Variants in ADCY1 observed in about 807,000 individuals in gnomAD.
The protein encoded by ADCY1 is adenylate cyclase 1.
A neutral mutation model predicts 105.4 loss-of-function variants in ADCY1; 28 were observed. That is an observed-to-expected ratio of 0.27 (90% confidence interval 0.20 to 0.36). ADCY1 has a LOEUF of 0.36. Ranked by LOEUF, ADCY1 falls within the 10% of genes least tolerant of loss-of-function variation. The pLI, the probability that ADCY1 is intolerant of heterozygous loss-of-function variation, is 1.00. For missense variants in ADCY1, 977 were observed against 1,434.2 expected (o/e 0.68, Z 5.15); for synonymous variants, 655 against 623.8 (o/e 1.05, Z -0.75).
intron 17 of ADCY1, 130 bp downstream of exon 17, chr7:45,704,746 G>A (rs945996623): frequency 1.4e-6 from 1 of 715,074 alleles, no homozygotes; most frequent in African/African-American, 1.8e-5. Flanking sequence ...AGCAGCTTGA[G>A]TGCTGTTTTT....
At chr7:45,594,040 T>C (rs1793003006) in intron 2 of ADCY1, among the ~76,000 whole-genome samples, 1 of 152,202 alleles carries the variant, frequency 6.6e-6, no homozygotes, top group Admixed American at 6.5e-5. Context: ...CATGTGTGCA[T>C]GTGTGTCTGT....
chr7:45,674,633 A>T (rs1784423408), intron 8 of ADCY1, among the ~76,000 whole-genome samples: 1 of 152,188 alleles, frequency 6.6e-6, no homozygotes. Context: ...TGGCCTCCCA[A>T]AGTGCTGGGA....
At chr7:45,655,263 A>G (rs910189525) in intron 5 of ADCY1, among the ~76,000 whole-genome samples, 1 of 152,224 alleles carries the variant, frequency 6.6e-6, no homozygotes, top group South Asian at 2.1e-4. Flanking sequence ...CCTCTGCCAG[A>G]GGTGGGTTGC....
intron 4 of ADCY1, among the ~76,000 whole-genome samples, chr7:45,624,603 AG>A (rs1195104925): frequency 6.6e-6 from 1 of 152,172 alleles, no homozygotes; most frequent in Non-Finnish European, 1.5e-5. Flanking sequence ...CCTGGGCCAA[AG>A]TTCCACAGCA....
At chr7:45,576,498 C>T (rs1792353121) in intron 1 of ADCY1, among the ~76,000 whole-genome samples, 1 of 151,748 alleles carries the variant, frequency 6.6e-6, no homozygotes, top group African/African-American at 2.4e-5. Context: ...TCAAAGAGGG[C>T]GTCGGAGGAA....
At chr7:45,671,711 C>T (rs145124927) in intron 8 of ADCY1, among the ~76,000 whole-genome samples, 4 of 152,216 alleles carry the variant, frequency 2.6e-5, no homozygotes, top group East Asian at 3.9e-4. Flanking sequence ...CATTTTTTAT[C>T]CATATGTTCT....
At chr7:45,601,646 A>G (rs1422976606) in intron 2 of ADCY1, among the ~76,000 whole-genome samples, 1 of 152,096 alleles carries the variant, frequency 6.6e-6, no homozygotes, top group East Asian at 1.9e-4. Flanking sequence ...TAGTGAATGA[A>G]TGCAATTGAG....
intron 14 of ADCY1, among the ~76,000 whole-genome samples, chr7:45,687,239 C>T (rs191699955): frequency 9.8e-5 from 15 of 152,368 alleles, no homozygotes; most frequent in African/African-American, 3.6e-4. Context: ...AGGCCCCAAA[C>T]ATCTGGGTAC....
chr7:45,700,050 G>A (rs1784967470), intron 14 of ADCY1, among the ~76,000 whole-genome samples: 1 of 152,142 alleles, frequency 6.6e-6, no homozygotes, highest in Non-Finnish European at 1.5e-5. Context: ...GAGCATTAGG[G>A]ACTTCTACCC....
chr7:45,666,339 A>T (rs561745577), intron 8 of ADCY1, among the ~76,000 whole-genome samples: 11 of 152,120 alleles, frequency 7.2e-5, no homozygotes, highest in African/African-American at 2.7e-4. Flanking sequence ...CCTGTGTCCA[A>T]GTGTTCTCAT....
Position 45,686,174 on chromosome 7 carries a change from C to G in ADCY1, c.2286C>G (p.Ser762=). 6.2e-7 allele frequency: 1 copy of G among 1,614,170 alleles called. No individual in the cohort carries two copies. Among genetic ancestry groups the G allele is most frequent in the South Asian group, 1.1e-5 (1 of 91,080 alleles). Residue 762 remains serine, a synonymous_variant, in exon 13 of 20, where the codon TCC becomes TCG. Coordinates refer to ENST00000297323, the MANE Select transcript of ADCY1 (RefSeq NM_021116.4). This position sits in a 1 kb window ranked among gnomAD's most constrained non-coding sequence, Gnocchi z 4.3. ...KMILLSGLTT[S]YILVLELSGY... is the part of the protein sequence containing the mutation. Reference sequence around the variant, plus strand: ...TCCTGCTCTCCGGGCTCACCACGTCCTACATCCTCGTTCTGGAGCTCAGCG... The same window carrying G: ...TCCTGCTCTCCGGGCTCACCACGTCGTACATCCTCGTTCTGGAGCTCAGCG...
chr7:45,625,263 A>C (rs542845878), intron 4 of ADCY1, among the ~76,000 whole-genome samples: 1 of 152,252 alleles, frequency 6.6e-6, no homozygotes. Context: ...CCATGTTCCA[A>C]GTGGCTCCTT....
intron 3 of ADCY1, among the ~76,000 whole-genome samples, chr7:45,618,206 C>T (rs538200007): frequency 6.6e-6 from 1 of 152,300 alleles, no homozygotes; most frequent in East Asian, 1.9e-4. Flanking sequence ...ATCCCTATCT[C>T]TTACCATACA....
chr7:45,662,689 C>T (rs1289579926), intron 8 of ADCY1, among the ~76,000 whole-genome samples: 1 of 152,128 alleles, frequency 6.6e-6, no homozygotes, highest in Non-Finnish European at 1.5e-5. Flanking sequence ...AGATGGCCTT[C>T]CTCTGTTACT....
intron 8 of ADCY1, among the ~76,000 whole-genome samples, chr7:45,665,798 G>A (rs1026155235): frequency 1.3e-5 from 2 of 152,184 alleles, no homozygotes; most frequent in African/African-American, 4.8e-5. Context: ...AGGGAGGGAT[G>A]TGACTTTACC....
intron 1 of ADCY1, among the ~76,000 whole-genome samples, chr7:45,589,431 C>G (rs1326816934): frequency 1.3e-5 from 2 of 152,204 alleles, no homozygotes; most frequent in Admixed American, 6.5e-5. Flanking sequence ...CTGAGTAGCT[C>G]GTGGTGACCC....
chr7:45,586,955 A>G (rs554725475), intron 1 of ADCY1, among the ~76,000 whole-genome samples: 1 of 152,356 alleles, frequency 6.6e-6, no homozygotes, highest in African/African-American at 2.4e-5. Context: ...TGCTCTGCTC[A>G]GGAGAGGCTG....
In ADCY1 at chr7:45,575,586, C is replaced by G. The variant is rs12702148; in HGVS notation, c.639+404C>G. On this transcript the variant is annotated intron_variant, in intron 1 of 19. Transcript: ENST00000297323. The surrounding 1 kb of genome is among the most constrained non-coding windows in gnomAD (Gnocchi z 4.7). ...CCCCCAGGGCAAGCTCCAAGGCCGG[C>G]TCTGCGCGCAGCGCTGGGCTCTTCC... Among the ~76,000 whole-genome samples, 38,885 of 152,204 alleles carry G rather than the reference C, an allele frequency of 0.26. 5,973 individuals are homozygous for G. Among genetic ancestry groups the G allele is most frequent in the East Asian group, 0.49 (2,546 of 5,150 alleles).
rs1785310157 is a variant in ADCY1 at position 45,713,758 on chromosome 7, C to T, written c.3123C>T (p.Val1041=). 2.6e-6 allele frequency: 2 copies of T among 780,868 alleles called. No individual in the cohort carries two copies. The highest frequency in any genetic ancestry group is 1.7e-5 in the Admixed American group (1 of 59,044). 48.4% of individuals were successfully genotyped at this position (780,868 alleles called of 1,614,324 possible). The part of the protein sequence containing the change: ...CPYHFVCRGK[V]SVKGKGEMLT... ...ACCACTTTGTGTGCCGAGGCAAAGT[C>T]AGTGTCAAGGGCAAAGGCGAGATGT... Residue 1041 remains valine (V), a synonymous_variant, in exon 20 of 20, where the codon GTC becomes GTT. Transcript: ENST00000297323.
Sources: allele counts gnomAD v4.1 joint callset (sites outside exome capture counted in the v4.1 genomes callset), GRCh38; gene constraint gnomAD v4.1.1; non-coding constraint Gnocchi (gnomAD v3.1); transcripts MANE v1.5; gene names NCBI Gene and HGNC (gene_info 2026-07-23, HGNC 2026-07-21).